Variants in CCDC171 observed in about 807,000 individuals in gnomAD.
CCDC171 encodes the protein coiled-coil domain containing 171, also known as coiled-coil domain-containing protein 171.
In CCDC171, 177 loss-of-function variants were observed where a neutral mutation model predicts 168.2. That is an observed-to-expected ratio of 1.05 (90% CI 0.93 to 1.19). CCDC171 has a LOEUF of 1.19. Ranked by LOEUF, CCDC171 falls within the 50% of genes most tolerant of loss-of-function variation. CCDC171 has a pLI of 0.00. For missense variants in CCDC171, 1,991 were observed against 1,539.0 expected (o/e 1.29, Z -4.91); for synonymous variants, 687 against 540.8 (o/e 1.27, Z -3.75).
chr9:15,600,273 A>G (rs1233078842), intron 6 of CCDC171, among the ~76,000 whole-genome samples: 1 of 152,088 alleles, frequency 6.6e-6, no homozygotes, highest in South Asian at 2.1e-4. Context: ...GGTTTTATCT[A>G]CTTGTGATCT....
At chr9:15,778,903 T>C (rs1337994788) in intron 19 of CCDC171, 65 bp from the exon 20 acceptor site, 6 of 1,116,154 alleles carry the variant, frequency 5.4e-6, no homozygotes, top group Non-Finnish European at 7.2e-6. Flanking sequence ...TTTAGTAAAA[T>C]GGTTATTGCT....
chr9:16,002,135 A>ATT (rs76881347), intron 3 of CCDC171, among the ~76,000 whole-genome samples: 11 of 102,468 alleles, frequency 1.1e-4, no homozygotes, highest in African/African-American at 3.6e-4. Flanking sequence ...GCCTACTATC[A>ATT]TTTTTTTTTT....
chr9:15,897,226 C>T (rs1408930984), intron 24 of CCDC171, among the ~76,000 whole-genome samples: 1 of 152,000 alleles, frequency 6.6e-6, no homozygotes, highest in East Asian at 1.9e-4. Flanking sequence ...CTGAGAGATA[C>T]ATAGCACATT....
chr9:15,669,375 T>C (rs1469549673), intron 9 of CCDC171, among the ~76,000 whole-genome samples: 1 of 152,188 alleles, frequency 6.6e-6, no homozygotes, highest in Non-Finnish European at 1.5e-5. Context: ...TTATGGGGTA[T>C]GTGTGATATT....
At chr9:15,685,622 G>GA (rs1396222108) in intron 10 of CCDC171, among the ~76,000 whole-genome samples, 1 of 151,906 alleles carries the variant, frequency 6.6e-6, no homozygotes, top group Non-Finnish European at 1.5e-5. Flanking sequence ...GGCACAAAGT[G>GA]AGACCCTGTC....
the CCDC171 span, among the ~76,000 whole-genome samples, chr9:16,094,890 A>T: frequency 6.6e-6 from 1 of 152,124 alleles, no homozygotes; most frequent in Non-Finnish European, 1.5e-5. Flanking sequence ...GGCCTGATGG[A>T]GGTGATTGGA....
At chr9:15,845,131 CA>C (rs1487943269) in intron 21 of CCDC171, among the ~76,000 whole-genome samples, 1 of 152,000 alleles carries the variant, frequency 6.6e-6, no homozygotes, top group Non-Finnish European at 1.5e-5. Flanking sequence ...AAAAGGAACT[CA>C]AAAGGATTTT....
At chr9:16,029,232 G>T (rs1351047267) in intron 6 of CCDC171, among the ~76,000 whole-genome samples, 1 of 152,178 alleles carries the variant, frequency 6.6e-6, no homozygotes, top group African/African-American at 2.4e-5. Flanking sequence ...TCCTCGATGA[G>T]TGCACACCAA....
At chr9:15,953,424 G>C (rs1590750) in intron 25 of CCDC171, among the ~76,000 whole-genome samples, 47,422 of 152,062 alleles carry the variant, frequency 0.31, 9,189 homozygotes, top group East Asian at 0.62. Flanking sequence ...TTGTATGCGT[G>C]TATCGAGATG....
exon 4 of CCDC171, chr9:16,020,725 G>A (rs1161533033): frequency 1.9e-5 from 3 of 154,526 alleles, no homozygotes; most frequent in Middle Eastern, 5.2e-4. Context: ...ATACCTGGAC[G>A]AAGGGAGGAT....
intron 21 of CCDC171, among the ~76,000 whole-genome samples, chr9:15,820,969 A>G (rs1205239962): frequency 8.5e-6 from 1 of 117,204 alleles, no homozygotes; most frequent in East Asian, 2.1e-4. Context: ...CCAGCAGCAC[A>G]TCAAAAAGCT....
intron 23 of CCDC171, among the ~76,000 whole-genome samples, chr9:15,849,302 C>T (rs1037739377): frequency 4.0e-5 from 6 of 150,888 alleles, no homozygotes; most frequent in Admixed American, 3.3e-4. Flanking sequence ...CACTCTTAAA[C>T]CAATGGTCCT....
intron 18 of CCDC171, among the ~76,000 whole-genome samples, chr9:15,755,382 T>A (rs1007997157): frequency 1.3e-5 from 2 of 152,204 alleles, no homozygotes; most frequent in Non-Finnish European, 2.9e-5. Context: ...ATTAAAAAGT[T>A]AAGCATAGAG....
At chr9:15,938,341 G>A (rs537714537) in intron 25 of CCDC171, among the ~76,000 whole-genome samples, 2 of 151,864 alleles carry the variant, frequency 1.3e-5, no homozygotes, top group African/African-American at 2.4e-5. Flanking sequence ...GAATGACCAA[G>A]TTTACATGGA....
At chr9:15,754,859 A>T (rs1183674183) in intron 18 of CCDC171, among the ~76,000 whole-genome samples, 3 of 152,174 alleles carry the variant, frequency 2.0e-5, no homozygotes, top group Admixed American at 6.5e-5. Flanking sequence ...ATTGGTCATT[A>T]TTAATATTTA....
intron 21 of CCDC171, among the ~76,000 whole-genome samples, chr9:15,784,930 A>C (rs1046862601): frequency 4.6e-5 from 7 of 152,132 alleles, no homozygotes; most frequent in Non-Finnish European, 1.0e-4. Flanking sequence ...CTTTTCCAGT[A>C]ATAATAACAA....
chr9:16,059,790 A>C (rs1412188013), intron 1 of CCDC171, among the ~76,000 whole-genome samples: 1 of 150,824 alleles, frequency 6.6e-6, no homozygotes, highest in African/African-American at 2.4e-5. Flanking sequence ...CTGGGATTAC[A>C]GGCGTGAGCC....
chr9:15,862,553 T>A (rs2061605044), intron 23 of CCDC171, among the ~76,000 whole-genome samples: 1 of 152,054 alleles, frequency 6.6e-6, no homozygotes, highest in South Asian at 2.1e-4. Flanking sequence ...GAGTTTTATC[T>A]TGTTCCTTTT....
At chr9:15,748,416 A>G (rs1358004976) in intron 18 of CCDC171, among the ~76,000 whole-genome samples, 3 of 152,220 alleles carry the variant, frequency 2.0e-5, no homozygotes, top group Non-Finnish European at 4.4e-5. Flanking sequence ...ATTATCGAGG[A>G]GAACTTCCCA....
Sources: allele counts gnomAD v4.1 joint callset (sites outside exome capture counted in the v4.1 genomes callset), GRCh38; gene constraint gnomAD v4.1.1; transcripts MANE v1.5; gene names NCBI Gene and HGNC (gene_info 2026-07-23, HGNC 2026-07-21).